Variants in ZFHX3 observed in about 807,000 individuals in gnomAD.
The protein encoded by ZFHX3 is zinc finger homeobox 3.
In ZFHX3, 42 loss-of-function variants were observed where a neutral mutation model predicts 279.1. The observed-to-expected ratio is 0.15, with a 90% CI of 0.12 to 0.19. The LOEUF is 0.19. Among genes scored for constraint, ZFHX3 ranks in the 10% least tolerant of loss-of-function variants. ZFHX3 has a pLI of 1.00. For synonymous variants in ZFHX3, 2,293 were observed against 1,957.8 expected (o/e 1.17, Z -4.52); for missense variants, 4,981 against 4,754.0 (o/e 1.05, Z -1.40).
At chr16:73,708,766 T>C (rs1166404250) in intron 1 of ZFHX3, among the ~76,000 whole-genome samples, 1 of 152,160 alleles carries the variant, frequency 6.6e-6, no homozygotes, top group Non-Finnish European at 1.5e-5. Flanking sequence ...CAGTGAGATC[T>C]AGAAGCTTAT....
chr16:73,109,718 G>A (rs1966348247), intron 7 of ZFHX3, among the ~76,000 whole-genome samples: 1 of 152,084 alleles, frequency 6.6e-6, no homozygotes, highest in Non-Finnish European at 1.5e-5. Flanking sequence ...GTATGGTGGT[G>A]CACACCTGTA....
chr16:73,307,855 T>C (rs944184525), intron 4 of ZFHX3, among the ~76,000 whole-genome samples: 3 of 152,150 alleles, frequency 2.0e-5, no homozygotes, highest in Non-Finnish European at 4.4e-5. Context: ...AAATGAACTG[T>C]GGGATGACAT....
At chr16:73,804,912 A>AGGGAG (rs1555502738) in intron 1 of ZFHX3, among the ~76,000 whole-genome samples, 2 of 75,626 alleles carry the variant, frequency 2.6e-5, no homozygotes, top group Non-Finnish European at 5.2e-5. Context: ...GGAGGGAGGG[A>AGGGAG]GGGGAGGGAG....
chr16:73,126,074 G>T (rs893601434), intron 7 of ZFHX3, among the ~76,000 whole-genome samples: 2 of 152,130 alleles, frequency 1.3e-5, no homozygotes, highest in African/African-American at 4.8e-5. Flanking sequence ...GTCATCCACA[G>T]GGACTAGTAT....
At chr16:73,597,900 G>C (rs1044245064) in intron 2 of ZFHX3, among the ~76,000 whole-genome samples, 1 of 152,240 alleles carries the variant, frequency 6.6e-6, no homozygotes, top group African/African-American at 2.4e-5. Context: ...TGGGTGTGAA[G>C]ATCAGTAACT....
At chr16:73,000,080 G>A (rs1426413104) in intron 1 of ZFHX3, among the ~76,000 whole-genome samples, 8 of 152,234 alleles carry the variant, frequency 5.3e-5, no homozygotes, top group Non-Finnish European at 1.5e-5. Flanking sequence ...GCTGGCTTCC[G>A]AACCTAGAAA....
chr16:73,505,275 C>T (rs2019306325), intron 2 of ZFHX3, among the ~76,000 whole-genome samples: 1 of 152,132 alleles, frequency 6.6e-6, no homozygotes, highest in Non-Finnish European at 1.5e-5. Flanking sequence ...GCCAGTGCAC[C>T]ACCTGATAGT....
chr16:73,377,163 G>T (rs1458640617), intron 3 of ZFHX3, among the ~76,000 whole-genome samples: 1 of 151,966 alleles, frequency 6.6e-6, no homozygotes, highest in South Asian at 2.1e-4. Flanking sequence ...GTAGAGACAC[G>T]GTTTCACCAT....
chr16:73,039,097 T>C (rs910855182), intron 1 of ZFHX3, among the ~76,000 whole-genome samples: 1 of 148,406 alleles, frequency 6.7e-6, no homozygotes, highest in Non-Finnish European at 1.5e-5. Context: ...TACAGGCACA[T>C]GCCACCGAGC....
chr16:73,796,991 C>T (rs562277838), intron 1 of ZFHX3, among the ~76,000 whole-genome samples: 1 of 151,768 alleles, frequency 6.6e-6, no homozygotes, highest in Non-Finnish European at 1.5e-5. Flanking sequence ...CACCAGAGGT[C>T]GGGAGTTCGA....
chr16:73,534,358 C>G (rs1034017265), intron 2 of ZFHX3, among the ~76,000 whole-genome samples: 1 of 152,158 alleles, frequency 6.6e-6, no homozygotes, highest in Non-Finnish European at 1.5e-5. Flanking sequence ...TCTACCCTAA[C>G]CATCCCATTT....
intron 5 of ZFHX3, among the ~76,000 whole-genome samples, chr16:73,251,303 A>T (rs2013479552): frequency 6.6e-6 from 1 of 152,186 alleles, no homozygotes; most frequent in African/African-American, 2.4e-5. Flanking sequence ...ACAGTGAATC[A>T]CTAAGCTGTG....
intron 8 of ZFHX3, among the ~76,000 whole-genome samples, chr16:73,079,589 C>G (rs1007568023): frequency 6.6e-6 from 1 of 152,020 alleles, no homozygotes; most frequent in African/African-American, 2.4e-5. Context: ...TCCTCCCACC[C>G]TGGCCTCCCA....
intron 3 of ZFHX3, among the ~76,000 whole-genome samples, chr16:72,933,311 T>A (rs186448836): frequency 6.6e-6 from 1 of 152,128 alleles, no homozygotes; most frequent in Non-Finnish European, 1.5e-5. Flanking sequence ...TCATCATTAC[T>A]ACTCTCCCAG....
chr16:73,525,224 A>G (rs767577123), intron 2 of ZFHX3, among the ~76,000 whole-genome samples: 7 of 152,106 alleles, frequency 4.6e-5, no homozygotes, highest in Non-Finnish European at 1.0e-4. Context: ...TAGCACTTAC[A>G]TTTACTGATC....
At chr16:73,706,458 A>C (rs1441758305) in intron 1 of ZFHX3, among the ~76,000 whole-genome samples, 1 of 3,698 alleles carries the variant, frequency 2.7e-4, no homozygotes, top group Admixed American at 2.5e-3. Flanking sequence ...CTCTATCTCA[A>C]AAAAAAAAAA....
intron 3 of ZFHX3, chr16:73,402,491 A>G (rs2017276193): frequency 6.6e-6 from 1 of 152,264 alleles, no homozygotes; most frequent in African/African-American, 2.4e-5. Context: ...TATGGCTACA[A>G]AAGTCTTTAA....
chr16:72,889,500 AAAAAAG>A (rs1372689878), intron 4 of ZFHX3, among the ~76,000 whole-genome samples: 7 of 151,964 alleles, frequency 4.6e-5, no homozygotes, highest in African/African-American at 1.4e-4. Flanking sequence ...AAAAAAAAAA[AAAAAAG>A]AAGAAGAAGA....
At chr16:73,484,165 T>C (rs1364618725) in intron 2 of ZFHX3, among the ~76,000 whole-genome samples, 2 of 151,892 alleles carry the variant, frequency 1.3e-5, no homozygotes, top group African/African-American at 4.8e-5. Context: ...GAGTCCTAGG[T>C]GAAGAGAGAA....
Sources: allele counts gnomAD v4.1 joint callset (sites outside exome capture counted in the v4.1 genomes callset), GRCh38; gene constraint gnomAD v4.1.1; transcripts MANE v1.5; gene names NCBI Gene and HGNC (gene_info 2026-07-23, HGNC 2026-07-21).